Variants in SMAP1 observed in about 807,000 individuals in gnomAD.
SMAP1 encodes the protein small ArfGAP 1.
SMAP1 carries 24 observed loss-of-function variants against 58.5 expected under a neutral mutation model. That is an observed-to-expected ratio of 0.41 (90% CI 0.30 to 0.58). The LOEUF (loss-of-function observed/expected upper bound fraction) is 0.58. SMAP1 is among the 20% of genes least tolerant of loss of function. The probability of loss-of-function intolerance (pLI) is 0.29; values close to 1 mark genes in which losing one functional copy is unlikely to be tolerated. For missense variants in SMAP1, 563 were observed against 566.3 expected (o/e 0.99, Z 0.06); for synonymous variants, 216 against 196.6 (o/e 1.10, Z -0.82).
At chr6:70,754,730 C>CA (rs1357269664) in intron 2 of SMAP1, among the ~76,000 whole-genome samples, 6 of 151,648 alleles carry the variant, frequency 4.0e-5, no homozygotes, top group Non-Finnish European at 7.4e-5. Context: ...ACTGTTTTCA[C>CA]AAAAAAAGAC....
chr6:70,847,897 G>A (rs1010485884), intron 7 of SMAP1, among the ~76,000 whole-genome samples: 2 of 152,128 alleles, frequency 1.3e-5, no homozygotes, highest in African/African-American at 4.8e-5. Context: ...GAGGAAGTGT[G>A]TGTGTGTGTG....
At chr6:70,808,066 A>T (rs1452932531) in intron 6 of SMAP1, among the ~76,000 whole-genome samples, 1 of 152,168 alleles carries the variant, frequency 6.6e-6, no homozygotes, top group African/African-American at 2.4e-5. Flanking sequence ...GTGGAAGTAG[A>T]TCATCATAAA....
chr6:70,835,732 C>T (rs1410653389), intron 6 of SMAP1, among the ~76,000 whole-genome samples: 2 of 152,086 alleles, frequency 1.3e-5, no homozygotes, highest in Non-Finnish European at 2.9e-5. Context: ...GTCTCAAACT[C>T]CTGGGCTTAA....
rs867806449 is a variant in SMAP1, at chr6:70,675,224, T to A, written c.118+7083T>A. Among the ~76,000 whole-genome samples the A allele has an allele frequency of 3.9e-3, 423 of 107,442 alleles. 3 individuals carry two copies. The highest frequency in any genetic ancestry group is 8.6e-3 in the Admixed American group (80 of 9,344). The allele number at this position is 107,442 out of a possible 152,430, so 70.5% of individuals were successfully genotyped here. ...TTTTTTTTTTTTTTTTTTTTTTTTT[T>A]ACCAGAGATGATGTACTTCACACTT... On this transcript the variant is annotated intron_variant, in intron 1 of 10. Transcript: ENST00000370455.
At chr6:70,837,854 C>A in intron 7 of SMAP1, 1 of 1,261,910 alleles carries the variant, frequency 7.9e-7, no homozygotes, top group South Asian at 1.4e-5. Flanking sequence ...TCATGTACTG[C>A]TTTCCAAAAA....
chr6:70,832,505 G>T (rs1031422500), intron 6 of SMAP1, among the ~76,000 whole-genome samples: 3 of 152,132 alleles, frequency 2.0e-5, no homozygotes, highest in African/African-American at 7.2e-5. Context: ...CTTCATAATG[G>T]CAGTATCTAT....
At chr6:70,693,298 C>CTTTTTTT (rs55693339) in intron 1 of SMAP1, among the ~76,000 whole-genome samples, 8 of 109,640 alleles carry the variant, frequency 7.3e-5, no homozygotes, top group South Asian at 6.4e-4. Flanking sequence ...ATGTCATCTT[C>CTTTTTTT]TTTTTTTTTT....
Position 70,697,309 on chromosome 6 carries a change from CT to C in SMAP1, c.118+29181del, listed in dbSNP as rs1225213485. 6.1e-3 allele frequency among the ~76,000 whole-genome samples: 874 copies of C among 142,136 alleles called. 5 individuals carry two copies. Among genetic ancestry groups the C allele is most frequent in the African/African-American group, 0.014 (548 of 39,126 alleles). The allele number at this position is 142,136 out of a possible 152,430, so 93.2% of individuals were successfully genotyped here. A position where few individuals can be genotyped will look rare whatever the true frequency, so the allele number is the denominator to read the frequency against. On this transcript the variant is annotated intron_variant, in intron 1 of 10. Transcript: ENST00000370455. ...TTTGTGGTCTTCTCTTCCTTTATTC[CT>C]TTTTTTTTTTTTGAGACAAGAGTCT...
chr6:70,735,914 GCT>G (rs1332819413), intron 2 of SMAP1, among the ~76,000 whole-genome samples: 1 of 152,046 alleles, frequency 6.6e-6, no homozygotes, highest in East Asian at 1.9e-4. Context: ...GTTTTGGCTA[GCT>G]CTATTTTTTT....
At chr6:70,777,887 G>T (rs776687881) in intron 4 of SMAP1, among the ~76,000 whole-genome samples, 2 of 151,832 alleles carry the variant, frequency 1.3e-5, no homozygotes, top group South Asian at 2.1e-4. Context: ...CGAGTAGCTG[G>T]CATTACAGGT....
intron 6 of SMAP1, among the ~76,000 whole-genome samples, chr6:70,804,401 G>A (rs1029256053): frequency 2.0e-5 from 3 of 151,610 alleles, no homozygotes; most frequent in Non-Finnish European, 4.4e-5. Flanking sequence ...CAGGTGAGAT[G>A]GGTCTCCTGA....
intron 2 of SMAP1, among the ~76,000 whole-genome samples, chr6:70,752,372 A>C (rs987891632): frequency 2.0e-5 from 3 of 152,194 alleles, no homozygotes; most frequent in Non-Finnish European, 2.9e-5. Context: ...TGCAAGTTGA[A>C]TTATGGAGAC....
At chr6:70,789,646 C>T (rs778403634) in intron 4 of SMAP1, among the ~76,000 whole-genome samples, 4 of 131,946 alleles carry the variant, frequency 3.0e-5, no homozygotes, top group East Asian at 2.1e-4. Flanking sequence ...CCCAGCTATC[C>T]GGGACGCTGA....
chr6:70,761,851 AC>A (rs1477604389), intron 3 of SMAP1, among the ~76,000 whole-genome samples: 4 of 152,100 alleles, frequency 2.6e-5, no homozygotes, highest in Non-Finnish European at 5.9e-5. Context: ...CTAAATTCAT[AC>A]GTTAAATTCT....
intron 1 of SMAP1, among the ~76,000 whole-genome samples, chr6:70,704,987 G>C (rs1767777009): frequency 6.6e-6 from 1 of 152,154 alleles, no homozygotes; most frequent in African/African-American, 2.4e-5. Context: ...TTGCTTTCTT[G>C]GGATTTGTAG....
intron 1 of SMAP1, among the ~76,000 whole-genome samples, chr6:70,715,142 A>C (rs1768216436): frequency 7.7e-6 from 1 of 129,066 alleles, no homozygotes; most frequent in South Asian, 2.4e-4. Flanking sequence ...AGTGTTGCCC[A>C]GGCTGGAGTG....
At chr6:70,773,551 G>A in intron 4 of SMAP1, 126 bp downstream of exon 4, 2 of 552,522 alleles carry the variant, frequency 3.6e-6, no homozygotes, top group East Asian at 3.4e-5. Context: ...TTGAATATTG[G>A]AACTTTTTTG....
At chr6:70,811,540 G>A (rs866152465) in intron 6 of SMAP1, among the ~76,000 whole-genome samples, 3 of 151,554 alleles carry the variant, frequency 2.0e-5, no homozygotes, top group South Asian at 4.2e-4. Flanking sequence ...TTCAGTACCC[G>A]TGGGAGATTT....
chr6:70,803,496 C>T (rs1165506866), intron 6 of SMAP1, among the ~76,000 whole-genome samples: 2 of 152,110 alleles, frequency 1.3e-5, no homozygotes, highest in Non-Finnish European at 2.9e-5. Context: ...CTATTTCCTT[C>T]AGTTCTGCTC....
Sources: allele counts gnomAD v4.1 joint callset (sites outside exome capture counted in the v4.1 genomes callset), GRCh38; gene constraint gnomAD v4.1.1; transcripts MANE v1.5; gene names NCBI Gene and HGNC (gene_info 2026-07-23, HGNC 2026-07-21).